The following PER1 variants were observed in gnomAD, a reference collection of about 807,000 sequenced individuals.
PER1 encodes period circadian protein homolog 1.
In PER1, 87 loss-of-function variants were observed where a neutral mutation model predicts 125.9. The ratio of observed to expected loss-of-function variants is 0.69; its 90% CI spans 0.58 to 0.83. The LOEUF (loss-of-function observed/expected upper bound fraction) is 0.83, where lower values mean the gene tolerates loss of function less well. Among genes scored for constraint, PER1 ranks in the 40% least tolerant of loss-of-function variants. PER1 has a pLI of 0.00. For synonymous variants in PER1, 801 were observed against 714.7 expected (o/e 1.12, Z -1.93); for missense variants, 1,775 against 1,722.8 (o/e 1.03, Z -0.54).
intron 14 of PER1, 23 bp downstream of exon 14, chr17:8,146,873 AC>A (rs769855242): frequency 5.6e-6 from 9 of 1,610,940 alleles, no homozygotes; most frequent in Non-Finnish European, 7.6e-6. Flanking sequence ...CTGTCTCTTC[AC>A]CCACACATCA....
chr17:8,144,543 C>T, intron 18 of PER1: 1 of 595,080 alleles, frequency 1.7e-6, no homozygotes. Flanking sequence ...AGTGCCATCC[C>T]CCCAGGCTGC....
In PER1 at chr17:8,150,296, G is replaced by C. The variant is rs762850052; in HGVS notation, c.297C>G (p.Ser99=). The C allele has an allele frequency of 4.4e-5, 68 of 1,558,224 alleles. No individual in the cohort carries two copies. The highest frequency in any genetic ancestry group is 5.8e-5 in the Non-Finnish European group (67 of 1,148,900). The part of the protein sequence containing the change: ...SSKSTNSQSP[S]PPSSSIAYSL... ...TGTAGGCAATGGAACTGCTGGGTGG[G>C]GATGGGCTCTGAGAGTTTGTGCTAG... Residue 99 remains serine, a synonymous_variant, in exon 3 of 23, where the codon TCC becomes TCG. Coordinates refer to ENST00000317276, the MANE Select transcript of PER1 (RefSeq NM_002616.3).
chr17:8,140,991 A>G lies in PER1; in HGVS notation c.*77T>C. On this transcript the variant is annotated 3_prime_UTR_variant, in exon 23 of 23. Transcript: ENST00000317276. ...CAGTTTCCCACTGGTTGGTCTAGCC[A>G]CATCTGAGTTCTGAGAATTGGGACA... 6 of 1,495,446 alleles carry G rather than the reference A, an allele frequency of 4.0e-6. No individual in the cohort carries two copies. Among genetic ancestry groups the G allele is most frequent in the Non-Finnish European group, 5.5e-6 (6 of 1,099,458 alleles). The allele number at this position is 1,495,446 out of a possible 1,614,324, so 92.6% of individuals were successfully genotyped here.
At chr17:8,144,292 TG>T (rs1982284679) in intron 18 of PER1, 1 of 401,720 alleles carries the variant, frequency 2.5e-6, no homozygotes, top group Non-Finnish European at 4.4e-6. Flanking sequence ...GAGTGAAGAG[TG>T]GGGCTGGAAA....
In PER1 at chr17:8,147,495, TC is replaced by T; in HGVS notation, c.1471del (p.Glu491SerfsTer25). ...SLDTDIQELS[E>X]QIHRLLLQPV... The stretch of plus-strand genomic sequence containing the variant: ...CTGCAGCAGCAGCCGGTGGATCTGC[TC>T]TGACAGCTCCTGGATATCAGTGTCC... On this transcript the variant is annotated frameshift_variant, in exon 12 of 23. Coordinates refer to ENST00000317276, the MANE Select transcript of PER1 (RefSeq NM_002616.3). LOFTEE classifies it high-confidence loss of function. 6.2e-7 allele frequency: 1 copy of T among 1,613,880 alleles called. No individual in the cohort carries two copies. Among genetic ancestry groups the T allele is most frequent in the Non-Finnish European group, 8.5e-7 (1 of 1,179,890 alleles).
rs758357434 is a variant in PER1 at position 8,141,273 on chromosome 17, A to T, written c.3668T>A (p.Leu1223Gln). The T allele has an allele frequency of 1.2e-6, 2 of 1,614,072 alleles. No homozygotes were observed. The highest frequency in any genetic ancestry group is 3.3e-5 in the Admixed American group (2 of 60,016). The change falls in exon 23 of 23, where the codon CTG becomes CAG. Residue 1223 changes from leucine to glutamine, a missense_variant. Leu to Gln is a moderately radical substitution (Grantham distance 113). Transcript: ENST00000317276. ...CATGGGCTCCAGCCCCAGTCCATCC[A>T]GCTCTGAGAAGAGTGGGTCATCAGG... ...GHPDDPLFSELDGLGLEPMEE... is the reference protein window; with the variant it reads ...GHPDDPLFSEQDGLGLEPMEE...
chr17:8,147,517 T>A lies in PER1; in HGVS notation c.1450A>T (p.Thr484Ser), dbSNP rs754634878. ...PAPSPAPSLD[T>S]DIQELSEQIH... is the part of the protein sequence containing the mutation. ...TGCTCTGACAGCTCCTGGATATCAG[T>A]GTCCAGGGAGGGAGCTGGGCTGGGG... Residue 484 changes from threonine to serine, a missense_variant, in exon 12 of 23, where the codon ACT becomes TCT. Thr to Ser is a moderately conservative substitution (Grantham distance 58, BLOSUM62 1). Transcript: ENST00000317276. The A allele has an allele frequency of 1.9e-6, 3 of 1,613,928 alleles. No individual in the cohort carries two copies. The highest frequency in any genetic ancestry group is 1.7e-5 in the Admixed American group (1 of 60,012).
At chr17:8,145,594 G>T (rs1244379389) in intron 17 of PER1, among the ~76,000 whole-genome samples, 1 of 152,118 alleles carries the variant, frequency 6.6e-6, no homozygotes, top group African/African-American at 2.4e-5. Context: ...AAAATGCTGG[G>T]ATTACAGGCC....
At position 8,142,833 on chromosome 17, in the gene PER1, C is replaced by T. The variant is rs551971076; in HGVS notation, c.3075G>A (p.Ala1025=). ...AEAAEPEARL[A]EVTESSNQDA... ...CCTGATTGGAGGACTCAGTGACCTC[C>T]GCCTGGAGGAGGGGAGGGGGGCAAG... The change falls in exon 20 of 23, where the codon GCG becomes GCA. Residue 1025 remains alanine (A), a splice_region_variant and synonymous_variant. Coordinates refer to ENST00000317276, the MANE Select transcript of PER1 (RefSeq NM_002616.3). The T allele has an allele frequency of 3.3e-5, 53 of 1,595,746 alleles. No individual in the cohort carries two copies. The South Asian group carries it at 5.1e-4, about 15-fold the overall frequency.
chr17:8,144,181 A>T, intron 18 of PER1: 2 of 439,916 alleles, frequency 4.5e-6, no homozygotes, highest in Admixed American at 3.9e-5. Flanking sequence ...GAGTCCATGG[A>T]CACATGGACA....
At position 8,147,796 on chromosome 17, in the gene PER1, GT is replaced by G; in HGVS notation, c.1265del (p.His422ProfsTer31). 6.2e-7 allele frequency: 1 copy of G among 1,614,028 alleles called. No homozygotes were observed. Among genetic ancestry groups the G allele is most frequent in the African/African-American group, 1.3e-5 (1 of 75,064 alleles). On this transcript the variant is annotated frameshift_variant, in exon 11 of 23. Coordinates refer to ENST00000317276, the MANE Select transcript of PER1 (RefSeq NM_002616.3). LOFTEE classifies it high-confidence loss of function. ...TGCGGGCACAGAAGCGGATAGGGGA[GT>G]GGTCAAAGGGCTGGCCCGCCAACTG... Reference protein sequence around the residue: ...ILQLAGQPFDHSPIRFCARNG... With the variant: ...ILQLAGQPFDXSPIRFCARNG...
rs1386681948 is a variant in PER1, at chr17:8,146,472, G to A, written c.1938C>T (p.Thr646=). 7 of 1,613,730 alleles carry A rather than the reference G, an allele frequency of 4.3e-6. No homozygotes were observed. The highest frequency in any genetic ancestry group is 5.9e-6 in the Non-Finnish European group (7 of 1,179,870). Residue 646 remains threonine (T), a synonymous_variant, in exon 16 of 23, where the codon ACC becomes ACT. Coordinates refer to ENST00000317276, the MANE Select transcript of PER1 (RefSeq NM_002616.3). ...AGGAGGAGGCACATTTACGCTTAGT[G>A]GTGCTGGGGAGGTTGCAGCTCTCCA... ...RYLESCNLPS[T]TKRKCASSSS... is the part of the protein sequence containing the mutation.
Position 8,141,862 on chromosome 17 carries a change from C to A in PER1, c.3543G>T (p.Leu1181=). The change falls in exon 22 of 23, where the codon CTG becomes CTT. Residue 1181 remains leucine (L), a synonymous_variant. Coordinates refer to ENST00000317276, the MANE Select transcript of PER1 (RefSeq NM_002616.3). The part of the protein sequence containing the change: ...PRFSEDQRRE[L]GAVHSWVRKG... ...TCCGGACCCAGGAGTGCACAGCACC[C>A]AGTTCCCGCCGCTGGTCCTCAGAAA... The A allele has an allele frequency of 6.2e-7, 1 of 1,614,084 alleles. No homozygotes were observed. Among genetic ancestry groups the A allele is most frequent in the South Asian group, 1.1e-5 (1 of 91,080 alleles).
In PER1 at chr17:8,140,948, T is replaced by C; in HGVS notation, c.*120A>G. ...CTGGTGATGGGGGTCCGGCCCCCTA[T>C]GGTGGGAGAAGCTGGGGCAGTTTCC... On this transcript the variant is annotated 3_prime_UTR_variant, in exon 23 of 23. Coordinates refer to ENST00000317276, the MANE Select transcript of PER1 (RefSeq NM_002616.3). The C allele has an allele frequency of 8.5e-7, 1 of 1,176,194 alleles. No homozygotes were observed. The highest frequency in any genetic ancestry group is 1.2e-6 in the Non-Finnish European group (1 of 824,884). The allele number at this position is 1,176,194 out of a possible 1,614,324, so 72.9% of individuals were successfully genotyped here.
intron 18 of PER1, 90 bp from the exon 19 acceptor site, chr17:8,143,966 G>A: frequency 6.7e-7 from 1 of 1,501,810 alleles, no homozygotes; most frequent in Non-Finnish European, 8.9e-7. Flanking sequence ...ACCAGGGAGA[G>A]GACAGGCCAA....
intron 22 of PER1, 50 bp downstream of exon 22, chr17:8,141,755 C>T (rs977033586): frequency 8.7e-7 from 1 of 1,147,228 alleles, no homozygotes. Context: ...TTTTCTCCCC[C>T]TTGAACTTGA....
In PER1 at chr17:8,140,632, A is replaced by C; in HGVS notation, c.*436T>G. 4.1e-6 allele frequency: 1 copy of C among 242,866 alleles called. No homozygotes were observed. Among genetic ancestry groups the C allele is most frequent in the African/African-American group, 2.2e-5 (1 of 45,666 alleles). 15.0% of individuals were successfully genotyped at this position (242,866 alleles called of 1,614,324 possible). A position where few individuals can be genotyped will look rare whatever the true frequency, so the allele number is the denominator to read the frequency against. ...CAACCTCCCCCACTCCAGAGCAGCT[A>C]GGGGCTGGAACCCCCGGGTCCTGCT... On this transcript the variant is annotated 3_prime_UTR_variant, in exon 23 of 23. Transcript: ENST00000317276.
chr17:8,142,921 G>A, intron 19 of PER1, 86 bp from the exon 20 acceptor site: 1 of 1,041,246 alleles, frequency 9.6e-7, no homozygotes, highest in Non-Finnish European at 1.4e-6. Context: ...GTGGGGAGAG[G>A]CACATCCAAC....
chr17:8,140,928 G>T lies in PER1; in HGVS notation c.*140C>A. The T allele has an allele frequency of 1.0e-6, 1 of 963,942 alleles. No homozygotes were observed. The highest frequency in any genetic ancestry group is 1.6e-6 in the Non-Finnish European group (1 of 641,150). The allele number at this position is 963,942 out of a possible 1,614,324, so 59.7% of individuals were successfully genotyped here. ...GGCAGCCCCTGGATCCTAGGCTGGT[G>T]ATGGGGGTCCGGCCCCCTATGGTGG... On this transcript the variant is annotated 3_prime_UTR_variant, in exon 23 of 23. Transcript: ENST00000317276.
Sources: allele counts gnomAD v4.1 joint callset (sites outside exome capture counted in the v4.1 genomes callset), GRCh38; gene constraint gnomAD v4.1.1; transcripts MANE v1.5; gene names NCBI Gene and HGNC (gene_info 2026-07-23, HGNC 2026-07-21).